Variants in RBFOX1 observed in about 807,000 individuals in gnomAD.
RBFOX1 encodes the protein RNA binding protein fox-1 homolog 1.
A neutral mutation model predicts 57.7 loss-of-function variants in RBFOX1; 8 were observed. The observed-to-expected ratio is 0.14, with a 90% CI of 0.08 to 0.25. RBFOX1 has a LOEUF of 0.25. Among genes scored for constraint, RBFOX1 ranks in the 10% least tolerant of loss-of-function variants. The pLI is 1.00. For missense variants in RBFOX1, 611 were observed against 548.5 expected (o/e 1.11, Z -1.14); for synonymous variants, 326 against 222.4 (o/e 1.47, Z -4.15).
intron 1 of RBFOX1, among the ~76,000 whole-genome samples, chr16:6,107,716 G>C (rs372260443): frequency 3.1e-5 from 3 of 97,512 alleles, no homozygotes; most frequent in Non-Finnish European, 6.2e-5. Flanking sequence ...TGGATGGATG[G>C]ATTTGTGGGT....
At chr16:5,673,820 C>G (rs2050086555) in intron 3 of RBFOX1, among the ~76,000 whole-genome samples, 1 of 152,210 alleles carries the variant, frequency 6.6e-6, no homozygotes, top group South Asian at 2.1e-4. Flanking sequence ...GTGGCTCTTT[C>G]CGATGTTGTC....
chr16:6,089,402 G>T (rs1374144356), intron 1 of RBFOX1, among the ~76,000 whole-genome samples: 1 of 152,112 alleles, frequency 6.6e-6, no homozygotes, highest in African/African-American at 2.4e-5. Context: ...ATGCACTAAA[G>T]AAATATCCCA....
At chr16:5,554,942 C>T (rs1015382900) in intron 2 of RBFOX1, among the ~76,000 whole-genome samples, 1 of 152,208 alleles carries the variant, frequency 6.6e-6, no homozygotes, top group African/African-American at 2.4e-5. Context: ...GGGCAGGATG[C>T]AGAGTTGTAT....
chr16:5,928,358 T>C (rs1474957457), intron 4 of RBFOX1, among the ~76,000 whole-genome samples: 1 of 151,360 alleles, frequency 6.6e-6, no homozygotes, highest in Non-Finnish European at 1.5e-5. Flanking sequence ...GTTGGGATTA[T>C]AGGCAGGAGC....
intron 4 of RBFOX1, among the ~76,000 whole-genome samples, chr16:5,979,490 A>T (rs548574708): frequency 6.6e-6 from 1 of 152,208 alleles, no homozygotes; most frequent in Admixed American, 6.5e-5. Flanking sequence ...AGCATTTACT[A>T]TGTGATATGA....
chr16:5,620,011 A>AAGAG, intron 3 of RBFOX1, among the ~76,000 whole-genome samples: 1 of 152,074 alleles, frequency 6.6e-6, no homozygotes, highest in Admixed American at 6.5e-5. Flanking sequence ...GAAAGAAAGA[A>AAGAG]AAGTCTCATG....
chr16:6,480,841 G>A (rs572988274), intron 2 of RBFOX1, among the ~76,000 whole-genome samples: 1 of 152,164 alleles, frequency 6.6e-6, no homozygotes, highest in South Asian at 2.1e-4. Flanking sequence ...TGTCTATATA[G>A]CAATGGAGGT....
intron 4 of RBFOX1, among the ~76,000 whole-genome samples, chr16:7,099,469 G>C (rs2062281711): frequency 6.6e-6 from 1 of 152,144 alleles, no homozygotes; most frequent in South Asian, 2.1e-4. Context: ...GTTTGCACTG[G>C]TATGTGAGAC....
intron 2 of RBFOX1, among the ~76,000 whole-genome samples, chr16:6,484,857 G>A (rs2153105302): frequency 6.6e-6 from 1 of 152,276 alleles, no homozygotes; most frequent in Admixed American, 6.5e-5. Context: ...TGTTGACATG[G>A]TTTCAATTTT....
chr16:5,501,521 G>T (rs527323272), intron 2 of RBFOX1, among the ~76,000 whole-genome samples: 1 of 152,100 alleles, frequency 6.6e-6, no homozygotes, highest in South Asian at 2.1e-4. Context: ...AGGCAGATGG[G>T]CTGGATTCAA....
intron 4 of RBFOX1, among the ~76,000 whole-genome samples, chr16:7,070,524 C>T (rs1381607672): frequency 2.6e-5 from 4 of 152,122 alleles, no homozygotes; most frequent in East Asian, 1.9e-4. Context: ...GACATCTTTA[C>T]GCCAAAGGCA....
intron 3 of RBFOX1, among the ~76,000 whole-genome samples, chr16:5,608,025 A>G (rs2047648736): frequency 6.6e-6 from 1 of 152,098 alleles, no homozygotes; most frequent in Non-Finnish European, 1.5e-5. Flanking sequence ...TGGGGAATAT[A>G]CCTAGGAGTG....
In RBFOX1 at chr16:6,971,746, C is replaced by T. The variant is rs552188275; in HGVS notation, c.-15-80311C>T. ...GGGAGTGTGGACGGATTGGGGACAT[C>T]GTGGAGATGTCACTTAAGTGGAGTG... On this transcript the variant is annotated intron_variant, in intron 3 of 15. Coordinates refer to ENST00000550418, the MANE Select transcript of RBFOX1 (RefSeq NM_018723.4). Among the ~76,000 whole-genome samples, 5 of 152,010 alleles carry T rather than the reference C, an allele frequency of 3.3e-5. No individual in the cohort carries two copies. The East Asian group carries it at 5.8e-4, about 18-fold the overall frequency.
intron 11 of RBFOX1, among the ~76,000 whole-genome samples, chr16:7,647,949 A>T (rs1284097712): frequency 6.6e-6 from 1 of 152,194 alleles, no homozygotes; most frequent in Non-Finnish European, 1.5e-5. Flanking sequence ...AAACAGTTTT[A>T]GTCTTGTTTA....
chr16:6,719,106 A>G lies in RBFOX1; in HGVS notation c.-16+64456A>G, dbSNP rs574507840. Among the ~76,000 whole-genome samples, 5 of 152,086 alleles carry G rather than the reference A, an allele frequency of 3.3e-5. No homozygotes were observed. In the South Asian group the frequency reaches 1.0e-3, roughly 32 times the overall value. On this transcript the variant is annotated intron_variant, in intron 3 of 15. Transcript: ENST00000550418. ...GGTCTTGAACTCCTGGGCTCAAGGG[A>G]TTTACTTGCCTTGATCTCCCAAAGT...
At chr16:5,761,224 T>G (rs1188057370) in intron 3 of RBFOX1, among the ~76,000 whole-genome samples, 1 of 152,196 alleles carries the variant, frequency 6.6e-6, no homozygotes, top group Non-Finnish European at 1.5e-5. Flanking sequence ...ATGCACATCT[T>G]GTATATTAAG....
chr16:6,668,099 T>C (rs1484286626), intron 3 of RBFOX1, among the ~76,000 whole-genome samples: 1 of 152,216 alleles, frequency 6.6e-6, no homozygotes, highest in East Asian at 1.9e-4. Context: ...GTCTAGAGTT[T>C]TGTGTATCCT....
At chr16:6,412,904 C>A (rs1321634403) in intron 2 of RBFOX1, among the ~76,000 whole-genome samples, 3 of 152,248 alleles carry the variant, frequency 2.0e-5, no homozygotes, top group African/African-American at 7.2e-5. Flanking sequence ...TTGTGTGGCA[C>A]TATCAGAAAC....
At chr16:5,534,977 A>C (rs2044638778) in intron 2 of RBFOX1, among the ~76,000 whole-genome samples, 1 of 152,220 alleles carries the variant, frequency 6.6e-6, no homozygotes, top group African/African-American at 2.4e-5. Flanking sequence ...CCAAAGGCTT[A>C]CTGTGAGTCA....
Sources: gnomAD v4.1 joint callset for allele counts (sites outside exome capture counted in the v4.1 genomes callset) on GRCh38, gnomAD v4.1.1 for gene constraint, MANE v1.5 for transcripts, NCBI Gene and HGNC (gene_info 2026-07-23, HGNC 2026-07-21) for gene names.